The following KCNQ3 variants were observed in gnomAD, a reference collection of about 807,000 sequenced individuals.
KCNQ3 encodes the protein potassium voltage-gated channel subfamily Q member 3.
In KCNQ3, 30 loss-of-function variants were observed where a neutral mutation model predicts 92.5. The ratio of observed to expected loss-of-function variants is 0.32; its 90% CI spans 0.24 to 0.44. The LOEUF is 0.44. KCNQ3 is among the 20% of genes least tolerant of loss of function. The pLI, the probability that KCNQ3 is intolerant of heterozygous loss-of-function variation, is 1.00. For synonymous variants in KCNQ3, 450 were observed against 468.8 expected (o/e 0.96, Z 0.52); for missense variants, 913 against 1,140.3 (o/e 0.80, Z 2.87).
At chr8:132,227,869 T>C (rs962666336) in intron 1 of KCNQ3, among the ~76,000 whole-genome samples, 1 of 152,170 alleles carries the variant, frequency 6.6e-6, no homozygotes, top group Non-Finnish European at 1.5e-5. Context: ...GAATCTATTG[T>C]GTGCTAGAAT....
At chr8:132,132,845 G>T (rs1327761126) in intron 13 of KCNQ3, among the ~76,000 whole-genome samples, 1 of 152,146 alleles carries the variant, frequency 6.6e-6, no homozygotes, top group Non-Finnish European at 1.5e-5. Flanking sequence ...GCTTAATTCT[G>T]GTTAGTTTCA....
chr8:132,451,206 G>C (rs530764477), intron 1 of KCNQ3, among the ~76,000 whole-genome samples: 4 of 152,168 alleles, frequency 2.6e-5, no homozygotes, highest in Non-Finnish European at 2.9e-5. Context: ...TGCACATGCT[G>C]TCTTGCCTGC....
intron 1 of KCNQ3, among the ~76,000 whole-genome samples, chr8:132,397,822 A>G (rs1358016019): frequency 6.6e-6 from 1 of 152,208 alleles, no homozygotes; most frequent in Non-Finnish European, 1.5e-5. Context: ...TCTCACTTCA[A>G]GTTCAGGAAT....
intron 1 of KCNQ3, among the ~76,000 whole-genome samples, chr8:132,232,032 A>G (rs983126220): frequency 3.9e-5 from 6 of 152,192 alleles, no homozygotes; most frequent in Admixed American, 3.3e-4. Flanking sequence ...GAGTTAACGG[A>G]GCATCAGAAA....
chr8:132,277,619 A>C (rs2130517229), intron 1 of KCNQ3, among the ~76,000 whole-genome samples: 1 of 152,326 alleles, frequency 6.6e-6, no homozygotes, highest in African/African-American at 2.4e-5. Context: ...ACATGTCAAA[A>C]GATATTTTTT....
At chr8:132,218,802 C>G (rs1245247839) in intron 1 of KCNQ3, among the ~76,000 whole-genome samples, 1 of 151,878 alleles carries the variant, frequency 6.6e-6, no homozygotes, top group African/African-American at 2.4e-5. Flanking sequence ...TGATAAATTT[C>G]CCTTACTGTG....
At chr8:132,458,403 G>A (rs1821990554) in intron 1 of KCNQ3, among the ~76,000 whole-genome samples, 1 of 152,190 alleles carries the variant, frequency 6.6e-6, no homozygotes, top group Non-Finnish European at 1.5e-5. Flanking sequence ...ATGCCTACAT[G>A]CACAAAACCC....
chr8:132,236,559 G>A (rs956538038), intron 1 of KCNQ3, among the ~76,000 whole-genome samples: 7 of 152,100 alleles, frequency 4.6e-5, no homozygotes, highest in African/African-American at 1.4e-4. Flanking sequence ...TCTCATGCTC[G>A]GAAGTTCACC....
chr8:132,440,084 T>A (rs146025671), intron 1 of KCNQ3, among the ~76,000 whole-genome samples: 166 of 152,360 alleles, frequency 1.1e-3, no homozygotes, highest in African/African-American at 3.8e-3. Context: ...ACAATGCAAA[T>A]GCTATGTCAG....
At chr8:132,456,616 AT>A (rs938053987) in intron 1 of KCNQ3, among the ~76,000 whole-genome samples, 4 of 149,168 alleles carry the variant, frequency 2.7e-5, no homozygotes, top group South Asian at 2.1e-4. Flanking sequence ...TTATTTATTT[AT>A]TTTTTTTTGA....
Position 132,343,880 on chromosome 8 carries a change from C to T in KCNQ3, c.386+136267G>A, listed in dbSNP as rs75262300. ...GCGTATCTGTGCCAAATCTGCTCAA[C>T]GAAGAAGACAGGAAATGAAATGAGA... On this transcript the variant is annotated intron_variant, in intron 1 of 14. Transcript: ENST00000388996. Among the ~76,000 whole-genome samples, 51 of 152,246 alleles carry T rather than the reference C, an allele frequency of 3.3e-4. 1 individual carries two copies. The Middle Eastern group carries it at 0.02, about 61-fold the overall frequency.
chr8:132,359,288 C>A (rs577443984), intron 1 of KCNQ3, among the ~76,000 whole-genome samples: 2 of 152,306 alleles, frequency 1.3e-5, no homozygotes, highest in African/African-American at 4.8e-5. Flanking sequence ...TCAGGGGTGT[C>A]TTGCTGTAGT....
intron 1 of KCNQ3, among the ~76,000 whole-genome samples, chr8:132,190,144 G>GAGTCCTT (rs1413231691): frequency 3.9e-5 from 6 of 152,154 alleles, no homozygotes; most frequent in Non-Finnish European, 8.8e-5. Flanking sequence ...GCAGGAAAAG[G>GAGTCCTT]AGTCCTTAGC....
chr8:132,146,508 T>C (rs1170934989), intron 9 of KCNQ3, among the ~76,000 whole-genome samples: 3 of 152,126 alleles, frequency 2.0e-5, no homozygotes, highest in African/African-American at 4.8e-5. Context: ...CGTTGTTTAA[T>C]AGAAATGAAG....
At chr8:132,155,104 GC>G (rs1825762358) in intron 9 of KCNQ3, among the ~76,000 whole-genome samples, 1 of 152,070 alleles carries the variant, frequency 6.6e-6, no homozygotes, top group Non-Finnish European at 1.5e-5. Flanking sequence ...TGTTTCACCT[GC>G]CCCTGTGTCT....
chr8:132,374,116 G>A (rs1466530427), intron 1 of KCNQ3, among the ~76,000 whole-genome samples: 1 of 152,114 alleles, frequency 6.6e-6, no homozygotes, highest in African/African-American at 2.4e-5. Context: ...CTTGTCACCG[G>A]AGAAAACTGC....
chr8:132,458,523 C>A (rs576477301), intron 1 of KCNQ3, among the ~76,000 whole-genome samples: 9 of 152,362 alleles, frequency 5.9e-5, no homozygotes, highest in Admixed American at 4.6e-4. Flanking sequence ...GGCACAATCA[C>A]GGCTCATCGC....
At chr8:132,190,765 C>T (rs572485401) in intron 1 of KCNQ3, among the ~76,000 whole-genome samples, 2 of 152,196 alleles carry the variant, frequency 1.3e-5, no homozygotes, top group East Asian at 3.8e-4. Context: ...TTGTAAGCCA[C>T]TAAGTTAGAG....
intron 1 of KCNQ3, among the ~76,000 whole-genome samples, chr8:132,332,538 G>A (rs1818259684): frequency 6.6e-6 from 1 of 152,224 alleles, no homozygotes. Flanking sequence ...TCTTTCAGGT[G>A]TGGGAAGTTG....
Sources: gnomAD v4.1 joint callset for allele counts (sites outside exome capture counted in the v4.1 genomes callset) on GRCh38, gnomAD v4.1.1 for gene constraint, MANE v1.5 for transcripts, NCBI Gene and HGNC (gene_info 2026-07-23, HGNC 2026-07-21) for gene names.